The following AKT1S1 variants were observed in gnomAD, a reference collection of about 807,000 sequenced individuals.
The protein encoded by AKT1S1 is proline-rich AKT1 substrate 1.
AKT1S1 carries 17 observed loss-of-function variants against 21.2 expected under a neutral mutation model. The observed-to-expected ratio is 0.80, with a 90% CI of 0.55 to 1.20. The LOEUF is 1.20. Ranked by LOEUF, AKT1S1 falls within the 50% of genes most tolerant of loss-of-function variation. The probability of loss-of-function intolerance (pLI) is 0.00; values close to 1 mark genes in which losing one functional copy is unlikely to be tolerated. For missense variants in AKT1S1, 366 were observed against 368.3 expected (o/e 0.99, Z 0.05); for synonymous variants, 181 against 165.6 (o/e 1.09, Z -0.72).
chr19:49,877,727 G>C, upstream of AKT1S1: 2 of 1,599,888 alleles, frequency 1.3e-6, no homozygotes, highest in Non-Finnish European at 1.7e-6. Context: ...GGCGACTATG[G>C]AAGGAGCCGG....
Position 49,873,361 on chromosome 19 carries a change from C to G in AKT1S1, c.-7-59G>C. 1 of 1,388,836 alleles carries G rather than the reference C, an allele frequency of 7.2e-7. No homozygotes were observed. The highest frequency in any genetic ancestry group is 9.3e-7 in the Non-Finnish European group (1 of 1,079,400). The allele number at this position is 1,388,836 out of a possible 1,614,324, so 86.0% of individuals were successfully genotyped here. On this transcript the variant is annotated intron_variant, in intron 1 of 4. Coordinates refer to ENST00000344175, the MANE Select transcript of AKT1S1 (RefSeq NM_001098633.4). This position sits in a 1 kb window ranked among gnomAD's most constrained non-coding sequence, Gnocchi z 6.9. ...CTTGGCGGCCTACATCATCGCCACC[C>G]ACTCAGAGTGCCCGCCCGTCCCCTG...
intron 3 of AKT1S1, 25 bp downstream of exon 3, chr19:49,871,787 G>A (rs769934816): frequency 5.9e-5 from 95 of 1,611,650 alleles, no homozygotes; most frequent in Non-Finnish European, 7.5e-5. Context: ...CTCAGGTCGG[G>A]AGGGGAACAG....
upstream of AKT1S1, chr19:49,878,267 G>A (rs1432676900): frequency 6.5e-7 from 1 of 1,548,362 alleles, no homozygotes; most frequent in Non-Finnish European, 8.7e-7. Flanking sequence ...GCAGGGCTCG[G>A]ACCCGCTCCG....
rs750828335 is a variant in AKT1S1, at chr19:49,869,886, G to A, written c.*31C>T. On this transcript the variant is annotated 3_prime_UTR_variant, in exon 5 of 5. Coordinates refer to ENST00000344175, the MANE Select transcript of AKT1S1 (RefSeq NM_001098633.4). ...CGGGGGCGTAGTGTGGGACGGGGCG[G>A]ACGCGGCCCGGGGCGCTCCCTCCCT... 8 of 1,457,356 alleles carry A rather than the reference G, an allele frequency of 5.5e-6. No homozygotes were observed. The Admixed American group carries it at 1.8e-4, about 33-fold the overall frequency. The allele number at this position is 1,457,356 out of a possible 1,614,324, so 90.3% of individuals were successfully genotyped here.
At chr19:49,871,911 G>A (rs369827414) in intron 2 of AKT1S1, 22 bp from the exon 3 acceptor site, 46 of 1,612,436 alleles carry the variant, frequency 2.9e-5, no homozygotes, top group Non-Finnish European at 3.6e-5. Flanking sequence ...CTGAGTTAGA[G>A]GCCCAGGCCA....
chr19:49,871,753 C>G, intron 3 of AKT1S1, 37 bp from the exon 4 acceptor site: 1 of 1,611,126 alleles, frequency 6.2e-7, no homozygotes, highest in African/African-American at 1.3e-5. Flanking sequence ...CTGTCCCTGC[C>G]TTTGTGTCGG....
chr19:49,876,427 C>T (rs969899742), intron 1 of AKT1S1, among the ~76,000 whole-genome samples: 2 of 152,224 alleles, frequency 1.3e-5, no homozygotes, highest in Non-Finnish European at 2.9e-5. Flanking sequence ...TCTGACAGGA[C>T]GATTCCCACG....
intron 4 of AKT1S1, 129 bp downstream of exon 4, chr19:49,871,418 C>A: frequency 7.7e-7 from 1 of 1,296,974 alleles, no homozygotes; most frequent in Non-Finnish European, 1.1e-6. Flanking sequence ...GAACTCGCCT[C>A]TTGAGGTTGA....
At chr19:49,877,674 G>T, upstream of AKT1S1, 1 of 1,586,602 alleles carries the variant, frequency 6.3e-7, no homozygotes, top group Non-Finnish European at 8.6e-7. Context: ...GTGACAACAC[G>T]CTGACTAGGA....
intron 4 of AKT1S1, among the ~76,000 whole-genome samples, chr19:49,870,864 T>G: frequency 6.6e-6 from 1 of 152,320 alleles, no homozygotes; most frequent in Non-Finnish European, 1.5e-5. Flanking sequence ...TGCTCACTGC[T>G]TCATTGAGGG....
At chr19:49,876,238 A>G (rs2074942472) in intron 1 of AKT1S1, 1 of 1,084,876 alleles carries the variant, frequency 9.2e-7, no homozygotes, top group Non-Finnish European at 1.1e-6. Flanking sequence ...GTCTAGGAAG[A>G]AAACAGGAAA....
chr19:49,878,241 G>C, upstream of AKT1S1: 2 of 1,556,762 alleles, frequency 1.3e-6, no homozygotes, highest in Non-Finnish European at 1.7e-6. Flanking sequence ...TCGTGGAAAA[G>C]GTGCGCTGGG....
At chr19:49,870,199 C>T in intron 4 of AKT1S1, 139 bp from the exon 5 acceptor site, 2 of 1,057,396 alleles carry the variant, frequency 1.9e-6, no homozygotes, top group Non-Finnish European at 2.5e-6. Context: ...GCGATGCCCA[C>T]TGCCAGCAGT....
Position 49,873,050 on chromosome 19 carries a change from T to C in AKT1S1, c.246A>G (p.Pro82=). 1.3e-6 allele frequency: 2 copies of C among 1,558,740 alleles called. No individual in the cohort carries two copies. The highest frequency in any genetic ancestry group is 1.7e-6 in the Non-Finnish European group (2 of 1,152,596). ...GTGTGGGACTGGGTGGCTGTGGTGCTGGTGGGGGCGCAGGAGGCCGAGCAG... is the reference window on the plus strand; with the variant it reads ...GTGTGGGACTGGGTGGCTGTGGTGCCGGTGGGGGCGCAGGAGGCCGAGCAG... ...ATAARPPAPP[P]APQPPSPTPS... Residue 82 remains proline (P), a synonymous_variant, in exon 2 of 5, where the codon CCA becomes CCG. Coordinates refer to ENST00000344175, the MANE Select transcript of AKT1S1 (RefSeq NM_001098633.4). This position sits in a 1 kb window ranked among gnomAD's most constrained non-coding sequence, Gnocchi z 6.9.
chr19:49,874,235 C>A (rs1410643349), intron 1 of AKT1S1: 1 of 152,340 alleles, frequency 6.6e-6, no homozygotes, highest in African/African-American at 2.4e-5. Flanking sequence ...CATAGGGGGT[C>A]CCACACTGTC....
At chr19:49,875,268 G>T (rs1192981330) in intron 1 of AKT1S1, 1 of 152,154 alleles carries the variant, frequency 6.6e-6, no homozygotes, top group Non-Finnish European at 1.5e-5. Flanking sequence ...CTTTAGGAGG[G>T]CAGATATTCT....
chr19:49,877,145 G>C (rs2074958152), intron 1 of AKT1S1, 92 bp downstream of exon 1: 1 of 162,358 alleles, frequency 6.2e-6, no homozygotes, highest in Admixed American at 6.4e-5. Context: ...TCAGAAATTC[G>C]TCCGGGGCCG....
chr19:49,876,686 G>A lies in AKT1S1; in HGVS notation c.-8+551C>T, dbSNP rs751010100. On this transcript the variant is annotated intron_variant, in intron 1 of 4. Transcript: ENST00000344175. ...CGCCTTGCGTCACGTCCGCGCAGTTGCCCCGCCTCCTCTCCGCACACTCCG... is the reference window on the plus strand; with the variant it reads ...CGCCTTGCGTCACGTCCGCGCAGTTACCCCGCCTCCTCTCCGCACACTCCG... 73 of 1,463,062 alleles carry A rather than the reference G, an allele frequency of 5.0e-5. No homozygotes were observed. The Middle Eastern group carries it at 3.7e-3, about 75-fold the overall frequency. 90.6% of individuals were successfully genotyped at this position (1,463,062 alleles called of 1,614,324 possible).
At chr19:49,871,205 G>A (rs2074879591) in intron 4 of AKT1S1, among the ~76,000 whole-genome samples, 1 of 152,186 alleles carries the variant, frequency 6.6e-6, no homozygotes, top group Non-Finnish European at 1.5e-5. Context: ...AAAGGGCTAG[G>A]AATGTGCAGG....
Sources: allele counts gnomAD v4.1 joint callset (sites outside exome capture counted in the v4.1 genomes callset), GRCh38; gene constraint gnomAD v4.1.1; non-coding constraint Gnocchi (gnomAD v3.1); transcripts MANE v1.5; gene names NCBI Gene and HGNC (gene_info 2026-07-23, HGNC 2026-07-21).